LRP1: variants seen among roughly 807,000 people sequenced by gnomAD.
LRP1 encodes prolow-density lipoprotein receptor-related protein 1.
LRP1 carries 51 observed loss-of-function variants against 541.5 expected under a neutral mutation model. The observed-to-expected ratio is 0.09, with a 90% CI of 0.08 to 0.12. The LOEUF (loss-of-function observed/expected upper bound fraction) is 0.12, where lower values mean the gene tolerates loss of function less well. Among genes scored for constraint, LRP1 ranks in the 10% least tolerant of loss-of-function variants. The probability of loss-of-function intolerance (pLI) is 1.00; values close to 1 mark genes in which losing one functional copy is unlikely to be tolerated. For synonymous variants in LRP1, 2,219 were observed against 2,470.8 expected, an observed-to-expected ratio of 0.90 and a Z score of 3.02; for missense variants, 3,878 against 6,376.2, an observed-to-expected ratio of 0.61 and a Z score of 13.34.
intron 19 of LRP1, among the ~76,000 whole-genome samples, chr12:57,168,802 G>C (rs570511053): frequency 2.6e-5 from 4 of 152,174 alleles, no homozygotes; most frequent in Non-Finnish European, 4.4e-5. Flanking sequence ...TCCAAAACTA[G>C]AGAAACCCCT....
chr12:57,208,277 T>C, intron 77 of LRP1, 61 bp downstream of exon 77: 1 of 1,542,622 alleles, frequency 6.5e-7, no homozygotes, highest in Non-Finnish European at 8.8e-7. Context: ...CGGGACAGGG[T>C]TGGGGGCTGC....
Position 57,205,134 on chromosome 12 carries a change from C to G in LRP1, c.11220C>G (p.His3740Gln). The change falls in exon 73 of 89, where the codon CAC becomes CAG. Residue 3740 changes from histidine (H) to glutamine (Q), a missense_variant. Around this residue, in one of 13 missense-constraint regions of LRP1, gnomAD observed 871 missense variants for 1,212.4 expected, o/e 0.72. Transcript: ENST00000243077. The surrounding 1 kb of genome is among the most constrained non-coding windows in gnomAD (Gnocchi z 4.6). ...AGCCCCCCACAGCCCACACCACCCA[C>G]TGCAAAGACAAGAAGGAGTTTCTGT... ...DCEPPTAHTT[H>Q]CKDKKEFLCR... is the part of the protein sequence containing the mutation. 6.2e-7 allele frequency: 1 copy of G among 1,613,914 alleles called. No individual in the cohort carries two copies. Among genetic ancestry groups the G allele is most frequent in the Non-Finnish European group, 8.5e-7 (1 of 1,179,976 alleles).
intron 76 of LRP1, among the ~76,000 whole-genome samples, chr12:57,207,448 C>T (rs1389173858): frequency 6.6e-6 from 1 of 151,482 alleles, no homozygotes; most frequent in East Asian, 1.9e-4. Flanking sequence ...TGCAGTGAGC[C>T]GAGTGCCACT....
chr12:57,190,689 G>A (rs1004719271), intron 42 of LRP1, 116 bp from the exon 43 acceptor site: 22 of 819,738 alleles, frequency 2.7e-5, no homozygotes, highest in Admixed American at 1.4e-4. Context: ...CTATGGCTCT[G>A]GGGTGGCTTT....
rs1239681968 is a variant in LRP1, at chr12:57,166,937, C to T, written c.2805C>T (p.Thr935=). The T allele has an allele frequency of 1.9e-6, 3 of 1,610,888 alleles. No homozygotes were observed. The highest frequency in any genetic ancestry group is 1.7e-6 in the Non-Finnish European group (2 of 1,177,226). ...CCCATCCCTGCCCCCCAGCCCGCACCTGCCCCCCCAACCAGTTCTCCTGTG... is the reference window on the plus strand; with the variant it reads ...CCCATCCCTGCCCCCCAGCCCGCACTTGCCCCCCCAACCAGTTCTCCTGTG... ...DESNATCSAR[T]CPPNQFSCAS... The change falls in exon 18 of 89, where the codon ACC becomes ACT. Residue 935 remains threonine (T), a synonymous_variant. Transcript: ENST00000243077.
chr12:57,193,807 C>A, intron 47 of LRP1, 92 bp from the exon 48 acceptor site: 1 of 1,592,542 alleles, frequency 6.3e-7, no homozygotes, highest in Non-Finnish European at 8.6e-7. Flanking sequence ...CAGGCCAGGG[C>A]AGGTGCTGTG....
chr12:57,183,994 A>G lies in LRP1; in HGVS notation c.5929+85A>G, dbSNP rs1592640564. 1.9e-6 allele frequency: 3 copies of G among 1,604,564 alleles called. No homozygotes were observed. The highest frequency in any genetic ancestry group is 1.7e-6 in the Non-Finnish European group (2 of 1,174,148). On this transcript the variant is annotated intron_variant, in intron 36 of 88. Transcript: ENST00000243077. This position sits in a 1 kb window ranked among gnomAD's most constrained non-coding sequence, Gnocchi z 6.1. ...AGAGGAGGAGTTGGCGGGAGCAGGA[A>G]GAGGAGCTGTAGGGGTGCCTGGGAG...
At position 57,206,815 on chromosome 12, in the gene LRP1, G is replaced by A. The variant is rs1385586153; in HGVS notation, c.11859+74G>A. The A allele has an allele frequency of 5.2e-6, 8 of 1,536,232 alleles. No homozygotes were observed. The highest frequency in any genetic ancestry group is 4.1e-5 in the African/African-American group (3 of 73,748). The stretch of plus-strand genomic sequence containing the variant: ...GGCGGTTCAGAGCAGGATTTGAAAA[G>A]GGCAGTGCTGGCTAGGCGCAGTGGC... On this transcript the variant is annotated intron_variant, in intron 76 of 88. Coordinates refer to ENST00000243077, the MANE Select transcript of LRP1 (RefSeq NM_002332.3). This position sits in a 1 kb window ranked among gnomAD's most constrained non-coding sequence, Gnocchi z 4.7.
rs2035861806 is a variant in LRP1 at position 57,167,446 on chromosome 12, T to C, written c.2917T>C (p.Tyr973His). The C allele has an allele frequency of 6.2e-7, 1 of 1,613,182 alleles. No homozygotes were observed. Among genetic ancestry groups the C allele is most frequent in the Non-Finnish European group, 8.5e-7 (1 of 1,179,122 alleles). The change falls in exon 19 of 89, where the codon TAT (tyrosine) becomes CAT (histidine). Residue 973 changes from tyrosine to histidine, a missense_variant and splice_region_variant. Transcript: ENST00000243077. ...CAGCTACTCTTTCTTCCTCACAGCC[T>C]ATCCCACCTGCTTCCCCCTGACTCA... ...DRSDESASCA[Y>H]PTCFPLTQFT...
intron 42 of LRP1, among the ~76,000 whole-genome samples, chr12:57,190,195 C>A (rs779716497): frequency 2.0e-5 from 3 of 152,188 alleles, no homozygotes; most frequent in Non-Finnish European, 4.4e-5. Flanking sequence ...GAGGATAGGA[C>A]CCACATACCC....
intron 41 of LRP1, 39 bp from the exon 42 acceptor site, chr12:57,187,228 G>A: frequency 6.3e-7 from 1 of 1,587,846 alleles, no homozygotes; most frequent in Non-Finnish European, 8.6e-7. Flanking sequence ...GCTGCCCTCT[G>A]GGCCCTCCTG....
intron 41 of LRP1, 125 bp downstream of exon 41, chr12:57,186,033 C>A: frequency 9.1e-7 from 1 of 1,099,832 alleles, no homozygotes; most frequent in Non-Finnish European, 1.3e-6. Flanking sequence ...TCAGCTGAAT[C>A]CAACTGCACC....
In LRP1 at chr12:57,200,318, C is replaced by T. The variant is rs1194490703; in HGVS notation, c.10015-124C>T. 7.0e-6 allele frequency: 5 copies of T among 709,442 alleles called. No individual in the cohort carries two copies. The Admixed American group carries it at 8.4e-5, about 12-fold the overall frequency. The allele number at this position is 709,442 out of a possible 1,614,324, so 43.9% of individuals were successfully genotyped here. ...TGGCCTTTCCGAACTCACCATAGCCCAACCTGCCCCATAACACCCTGACCC... is the reference window on the plus strand; with the variant it reads ...TGGCCTTTCCGAACTCACCATAGCCTAACCTGCCCCATAACACCCTGACCC... On this transcript the variant is annotated intron_variant, in intron 62 of 88. Transcript: ENST00000243077.
Position 57,185,742 on chromosome 12 carries a change from G to A in LRP1, c.6675G>A (p.Gln2225=), listed in dbSNP as rs1325388298. The A allele has an allele frequency of 6.2e-7, 1 of 1,614,124 alleles. No individual in the cohort carries two copies. The highest frequency in any genetic ancestry group is 8.5e-7 in the Non-Finnish European group (1 of 1,180,044). ...SDERNLNAPV[Q]PFEDPEHMKN... ...AGCGCAACCTCAATGCGCCCGTGCA[G>A]CCCTTCGAGGACCCTGAGCACATGA... The change falls in exon 41 of 89, where the codon CAG becomes CAA. Residue 2225 remains glutamine (Q), a synonymous_variant. Coordinates refer to ENST00000243077, the MANE Select transcript of LRP1 (RefSeq NM_002332.3). The surrounding 1 kb of genome is among the most constrained non-coding windows in gnomAD (Gnocchi z 4.9).
chr12:57,131,578 T>C (rs1462656766), intron 1 of LRP1, among the ~76,000 whole-genome samples: 4 of 152,202 alleles, frequency 2.6e-5, no homozygotes, highest in African/African-American at 9.6e-5. Context: ...CCTGGATCCC[T>C]GAGAGAAAGT....
chr12:57,200,669 G>T (rs35126021), intron 63 of LRP1, 30 bp from the exon 64 acceptor site: 1 of 1,596,106 alleles, frequency 6.3e-7, no homozygotes, highest in Non-Finnish European at 8.6e-7. Flanking sequence ...CACCCCAGCC[G>T]CTCTGACTCT....
chr12:57,193,545 A>G, intron 46 of LRP1, 21 bp from the exon 47 acceptor site: 2 of 1,610,470 alleles, frequency 1.2e-6, no homozygotes, highest in Non-Finnish European at 1.7e-6. Context: ...GCTGACACGC[A>G]GCCTACTCCT....
chr12:57,204,186 C>T lies in LRP1; in HGVS notation c.10952-224C>T, dbSNP rs1242768702. The T allele has an allele frequency of 4.3e-6, 2 of 469,886 alleles. No individual in the cohort carries two copies. The highest frequency in any genetic ancestry group is 7.5e-6 in the Non-Finnish European group (2 of 267,174). 29.1% of individuals were successfully genotyped at this position (469,886 alleles called of 1,614,324 possible). ...CCTGCCACATACCAGAGAAGGAGTGCCCTCTGAACTCCTCCAGACACCCCT... is the reference window on the plus strand; with the variant it reads ...CCTGCCACATACCAGAGAAGGAGTGTCCTCTGAACTCCTCCAGACACCCCT... On this transcript the variant is annotated intron_variant, in intron 70 of 88. Coordinates refer to ENST00000243077, the MANE Select transcript of LRP1 (RefSeq NM_002332.3). The surrounding 1 kb of genome is among the most constrained non-coding windows in gnomAD (Gnocchi z 5.3).
chr12:57,192,353 C>T (rs1200327321), intron 44 of LRP1, among the ~76,000 whole-genome samples: 1 of 152,166 alleles, frequency 6.6e-6, no homozygotes, highest in Non-Finnish European at 1.5e-5. Flanking sequence ...CATGTCACAC[C>T]CGCCCCTCAG....
Sources: gnomAD v4.1 joint callset for allele counts (sites outside exome capture counted in the v4.1 genomes callset) on GRCh38, gnomAD v4.1.1 for gene constraint, gnomAD v4.1.1 regional missense constraint, Gnocchi (gnomAD v3.1) non-coding constraint, MANE v1.5 for transcripts, NCBI Gene and HGNC (gene_info 2026-07-23, HGNC 2026-07-21) for gene names.